The following MINDY2 variants were observed in gnomAD, a reference collection of about 807,000 sequenced individuals.
The protein encoded by MINDY2 is ubiquitin carboxyl-terminal hydrolase MINDY-2.
In MINDY2, 52 loss-of-function variants were observed where a neutral mutation model predicts 68.2. The observed-to-expected ratio is 0.76, with a 90% CI of 0.61 to 0.96. The LOEUF (loss-of-function observed/expected upper bound fraction) is 0.96, where lower values mean the gene tolerates loss of function less well. Ranked by LOEUF, MINDY2 falls within the 40% of genes least tolerant of loss-of-function variation. MINDY2 has a pLI of 0.00. For synonymous variants in MINDY2, 372 were observed against 303.0 expected (o/e 1.23, Z -2.36); for missense variants, 881 against 773.4 (o/e 1.14, Z -1.65).
At chr15:58,787,576 A>T (rs1901591552) in intron 1 of MINDY2, among the ~76,000 whole-genome samples, 1 of 151,928 alleles carries the variant, frequency 6.6e-6, no homozygotes, top group Non-Finnish European at 1.5e-5. Context: ...CTCTACTAAA[A>T]ATACAAAACA....
At chr15:58,851,035 G>A (rs139987320) in intron 7 of MINDY2, among the ~76,000 whole-genome samples, 6 of 152,004 alleles carry the variant, frequency 3.9e-5, no homozygotes, top group African/African-American at 9.7e-5. Context: ...GCGCAGTGGC[G>A]TGATCTCAGC....
intron 7 of MINDY2, among the ~76,000 whole-genome samples, chr15:58,850,258 G>C (rs1433579766): frequency 2.0e-5 from 3 of 152,158 alleles, no homozygotes; most frequent in African/African-American, 7.2e-5. Flanking sequence ...AATTGAGTAA[G>C]ACTATATGAT....
chr15:58,800,811 GGC>G (rs1467673607), intron 2 of MINDY2, among the ~76,000 whole-genome samples: 2 of 140,214 alleles, frequency 1.4e-5, no homozygotes, highest in Admixed American at 1.5e-4. Context: ...CTCCAGCCTG[GGC>G]AACAGAGTAA....
chr15:58,809,129 T>A (rs557826473), intron 3 of MINDY2, among the ~76,000 whole-genome samples: 1 of 152,262 alleles, frequency 6.6e-6, no homozygotes, highest in Non-Finnish European at 1.5e-5. Flanking sequence ...GGAGGATCAC[T>A]TGAGCCCAGG....
At chr15:58,831,713 AAG>A in intron 5 of MINDY2, 59 bp from the exon 6 acceptor site, 1 of 1,490,678 alleles carries the variant, frequency 6.7e-7, no homozygotes, top group South Asian at 1.3e-5. Context: ...TAAATAGAAA[AAG>A]AATAACTTTT....
chr15:58,811,703 T>A (rs2030269824), intron 4 of MINDY2, among the ~76,000 whole-genome samples: 1 of 152,178 alleles, frequency 6.6e-6, no homozygotes, highest in African/African-American at 2.4e-5. Context: ...TGATTTCCTC[T>A]AGTAGCTCCC....
chr15:58,825,977 C>T (rs115478219), intron 5 of MINDY2, among the ~76,000 whole-genome samples: 2,118 of 152,108 alleles, frequency 0.014, 19 homozygotes, highest in African/African-American at 0.031. Flanking sequence ...GATATGTATT[C>T]GTTAATTCAA....
chr15:58,788,876 G>C (rs1901685637), intron 2 of MINDY2, among the ~76,000 whole-genome samples: 1 of 152,134 alleles, frequency 6.6e-6, no homozygotes, highest in African/African-American at 2.4e-5. Context: ...GCCAGGCGTG[G>C]TGTCATGCAC....
In MINDY2 at chr15:58,858,311, A is replaced by C. The variant is rs1191680718; in HGVS notation, c.*3701A>C. 3 of 152,144 alleles carry C rather than the reference A, an allele frequency of 2.0e-5. No individual in the cohort carries two copies. Among genetic ancestry groups the C allele is most frequent in the Non-Finnish European group, 4.4e-5 (3 of 67,992 alleles). The allele number at this position is 152,144 out of a possible 1,614,324, so 9.4% of individuals were successfully genotyped here. On this transcript the variant is annotated 3_prime_UTR_variant, in exon 9 of 9. Coordinates refer to ENST00000559228, the MANE Select transcript of MINDY2 (RefSeq NM_001040450.3). ...CTACTTATCCCATATTCTGTTTCAAATTCTTTATCATATTTCAAGTTCTTT... is the reference window on the plus strand; with the variant it reads ...CTACTTATCCCATATTCTGTTTCAACTTCTTTATCATATTTCAAGTTCTTT...
At chr15:58,838,473 G>A (rs2032110521) in intron 6 of MINDY2, among the ~76,000 whole-genome samples, 1 of 151,574 alleles carries the variant, frequency 6.6e-6, no homozygotes, top group Non-Finnish European at 1.5e-5. Flanking sequence ...CTTCAGTGGT[G>A]TTTACAACTA....
chr15:58,829,262 T>A (rs2031587546), intron 5 of MINDY2, among the ~76,000 whole-genome samples: 1 of 152,198 alleles, frequency 6.6e-6, no homozygotes, highest in African/African-American at 2.4e-5. Context: ...ACAGGAGAAT[T>A]ACGAAACATT....
intron 6 of MINDY2, among the ~76,000 whole-genome samples, chr15:58,839,705 C>T (rs2032184470): frequency 6.6e-6 from 1 of 152,128 alleles, no homozygotes; most frequent in Admixed American, 6.6e-5. Flanking sequence ...TGTTTCAGTA[C>T]AGCAAACCAT....
At chr15:58,847,773 A>G (rs1447867186) in intron 7 of MINDY2, among the ~76,000 whole-genome samples, 1 of 152,212 alleles carries the variant, frequency 6.6e-6, no homozygotes, top group Non-Finnish European at 1.5e-5. Flanking sequence ...TTACCTTTTT[A>G]AAAGACTGTT....
At chr15:58,784,978 C>G (rs190985560) in intron 1 of MINDY2, among the ~76,000 whole-genome samples, 1 of 151,808 alleles carries the variant, frequency 6.6e-6, no homozygotes, top group Non-Finnish European at 1.5e-5. Flanking sequence ...GAAAATCAGA[C>G]AGACTGCCAC....
intron 7 of MINDY2, among the ~76,000 whole-genome samples, chr15:58,850,056 C>G (rs555624242): frequency 6.6e-6 from 1 of 152,108 alleles, no homozygotes; most frequent in African/African-American, 2.4e-5. Context: ...AACCATTTAC[C>G]CATCCTCTGT....
At chr15:58,773,154 CTG>C (rs1900553705) in intron 1 of MINDY2, among the ~76,000 whole-genome samples, 1 of 151,252 alleles carries the variant, frequency 6.6e-6, no homozygotes, top group Non-Finnish European at 1.5e-5. Flanking sequence ...ACAAAACAAA[CTG>C]GGTGTGGTGG....
intron 5 of MINDY2, 92 bp downstream of exon 5, chr15:58,821,911 C>A: frequency 1.2e-6 from 1 of 822,158 alleles, no homozygotes; most frequent in African/African-American, 1.8e-5. Flanking sequence ...TTAAATAAGA[C>A]TTCTAAAAAA....
intron 1 of MINDY2, among the ~76,000 whole-genome samples, chr15:58,773,634 T>G (rs904878449): frequency 6.6e-6 from 1 of 152,224 alleles, no homozygotes; most frequent in African/African-American, 2.4e-5. Flanking sequence ...ACATTTTCCT[T>G]TGGTATGGCG....
chr15:58,780,515 G>A (rs1387304620), intron 1 of MINDY2, among the ~76,000 whole-genome samples: 1 of 152,206 alleles, frequency 6.6e-6, no homozygotes. Context: ...TGATTGGGAA[G>A]ATAAAGTTCA....
Sources: gnomAD v4.1 joint callset for allele counts (sites outside exome capture counted in the v4.1 genomes callset) on GRCh38, gnomAD v4.1.1 for gene constraint, MANE v1.5 for transcripts, NCBI Gene and HGNC (gene_info 2026-07-23, HGNC 2026-07-21) for gene names.